The following ABCB5 variants were observed in gnomAD, a reference collection of about 807,000 sequenced individuals.
ABCB5 encodes ATP binding cassette subfamily B member 5.
ABCB5 carries 155 observed loss-of-function variants against 144.2 expected under a neutral mutation model. The ratio of observed to expected loss-of-function variants is 1.08; its 90% CI spans 0.94 to 1.23. ABCB5 has a LOEUF of 1.23. Among genes scored for constraint, ABCB5 ranks in the 50% most tolerant of loss-of-function variants. The pLI, the probability that ABCB5 is intolerant of heterozygous loss-of-function variation, is 0.00. For synonymous variants in ABCB5, 610 were observed against 528.6 expected (o/e 1.15, Z -2.11); for missense variants, 1,830 against 1,520.8 (o/e 1.20, Z -3.38).
chr7:20,730,802 T>C (rs1272435694), intron 23 of ABCB5, among the ~76,000 whole-genome samples: 1 of 152,204 alleles, frequency 6.6e-6, no homozygotes, highest in Non-Finnish European at 1.5e-5. Flanking sequence ...CAAAAGTTTG[T>C]TTGCAAGCCA....
chr7:20,669,773 A>T (rs1785403120), intron 14 of ABCB5, among the ~76,000 whole-genome samples: 1 of 44 alleles, frequency 0.023, no homozygotes, highest in Admixed American at 0.12. Flanking sequence ...TTGAGGAAAC[A>T]GAATAAATAG....
intron 14 of ABCB5, among the ~76,000 whole-genome samples, chr7:20,670,478 C>A (rs968268450): frequency 8.6e-5 from 13 of 151,998 alleles, no homozygotes; most frequent in African/African-American, 3.1e-4. Context: ...TTCTGGAAGG[C>A]AGTGAGTGGG....
chr7:20,626,494 T>C, intron 2 of ABCB5, 63 bp from the exon 3 acceptor site: 2 of 1,467,294 alleles, frequency 1.4e-6, no homozygotes, highest in Non-Finnish European at 9.3e-7. Context: ...AAACTATTAA[T>C]GGAAAAATTT....
intron 16 of ABCB5, among the ~76,000 whole-genome samples, chr7:20,697,924 G>A (rs777592943): frequency 7.2e-5 from 11 of 152,146 alleles, no homozygotes. Flanking sequence ...AACAAGCCAA[G>A]GTATTAGGAA....
intron 7 of ABCB5, among the ~76,000 whole-genome samples, chr7:20,644,205 A>G (rs1171753464): frequency 6.6e-6 from 1 of 151,882 alleles, no homozygotes; most frequent in African/African-American, 2.4e-5. Flanking sequence ...CCCATCTCAG[A>G]TCCCAAGTAG....
chr7:20,657,236 ATGAACTAC>A (rs1784836321), intron 13 of ABCB5, among the ~76,000 whole-genome samples: 1 of 152,190 alleles, frequency 6.6e-6, no homozygotes, highest in South Asian at 2.1e-4. Flanking sequence ...GAGTTGCCAG[ATGAACTAC>A]TGGATTCCCA....
chr7:20,746,795 ATAAAT>A (rs2128056407), intron 26 of ABCB5, among the ~76,000 whole-genome samples: 1 of 152,362 alleles, frequency 6.6e-6, no homozygotes, highest in South Asian at 2.1e-4. Context: ...CACACATAAA[ATAAAT>A]TAAATGAAAT....
In ABCB5 at chr7:20,643,245, T is replaced by A; in HGVS notation, c.376T>A (p.Ser126Thr). 1 of 1,613,742 alleles carries A rather than the reference T, an allele frequency of 6.2e-7. No individual in the cohort carries two copies. The highest frequency in any genetic ancestry group is 8.5e-7 in the Non-Finnish European group (1 of 1,179,762). ...CTTGATTTTTGGTTACATACAGATT[T>A]CCTTGTGGATTATAACTGCAGCACG... ...AALIFGYIQI[S>T]LWIITAARQT... The change falls in exon 6 of 28, where the codon TCC becomes ACC. Residue 126 changes from serine (S) to threonine (T), a missense_variant. Ser to Thr is a moderately conservative substitution (Grantham distance 58). Coordinates refer to ENST00000404938, the MANE Select transcript of ABCB5 (RefSeq NM_001163941.2).
At chr7:20,714,814 G>C (rs1213282662) in intron 20 of ABCB5, among the ~76,000 whole-genome samples, 2 of 152,152 alleles carry the variant, frequency 1.3e-5, no homozygotes, top group African/African-American at 2.4e-5. Flanking sequence ...AACTCAAATA[G>C]AGAAGCCTGT....
intron 2 of ABCB5, among the ~76,000 whole-genome samples, chr7:20,625,871 G>T (rs1306054605): frequency 6.6e-6 from 1 of 152,160 alleles, no homozygotes; most frequent in Non-Finnish European, 1.5e-5. Context: ...AGCGTTACTA[G>T]GAATAGCCAA....
At position 20,755,663 on chromosome 7, in the gene ABCB5, G is replaced by A. The variant is rs1276795199; in HGVS notation, c.*39G>A. On this transcript the variant is annotated 3_prime_UTR_variant, in exon 28 of 28. Coordinates refer to ENST00000404938, the MANE Select transcript of ABCB5 (RefSeq NM_001163941.2). ...GCACATATTTTGATGTTCGTGTAAT[G>A]CAAAGAAGGAGTACTTAATAATTAC... 6 of 1,585,168 alleles carry A rather than the reference G, an allele frequency of 3.8e-6. No homozygotes were observed. The highest frequency in any genetic ancestry group is 2.2e-5 in the South Asian group (2 of 89,888).
chr7:20,658,537 C>G lies in ABCB5; in HGVS notation c.1568C>G (p.Ala523Gly). ...KFNTLVGEKG[A>G]QMSGGQKQRI... ...AATACATTGGTAGGGGAAAAAGGAG[C>G]TCAAATGAGTGGAGGGCAGAAACAG... The change falls in exon 14 of 28, where the codon GCT becomes GGT. Residue 523 changes from alanine (A) to glycine (G), a missense_variant. Transcript: ENST00000404938. 1 of 1,613,998 alleles carries G rather than the reference C, an allele frequency of 6.2e-7. No homozygotes were observed. The highest frequency in any genetic ancestry group is 8.5e-7 in the Non-Finnish European group (1 of 1,179,982).
Position 20,647,973 on chromosome 7 carries a change from CA to C in ABCB5, c.1102del (p.Ser368ValfsTer2). ...ATTTCCTTTGTTTTTCCAAGAAACC[CA>C]GTATAGATAACTTTTCCACAGCTGG... is the stretch of plus-strand genomic sequence containing the variant. ...HIFQVIDKKPSIDNFSTAGYK... is the reference protein window; with the variant it reads ...HIFQVIDKKPXIDNFSTAGYK... On this transcript the variant is annotated frameshift_variant, in exon 11 of 28. Transcript: ENST00000404938. LOFTEE classifies it high-confidence loss of function. The C allele has an allele frequency of 6.3e-7, 1 of 1,581,330 alleles. No individual in the cohort carries two copies. Among genetic ancestry groups the C allele is most frequent in the Non-Finnish European group, 8.7e-7 (1 of 1,150,770 alleles).
rs990949704 is a variant in ABCB5, at chr7:20,632,555, T to C, written c.314+442T>C. 2.6e-5 allele frequency among the ~76,000 whole-genome samples: 4 copies of C among 152,106 alleles called. No homozygotes were observed. The South Asian group carries it at 8.3e-4, about 32-fold the overall frequency. On this transcript the variant is annotated intron_variant, in intron 5 of 27. Coordinates refer to ENST00000404938, the MANE Select transcript of ABCB5 (RefSeq NM_001163941.2). ...TAAATCATGCTGCTATAAAAACACA[T>C]GCACACGTATGTTTATTGCAGCACT...
Position 20,756,891 on chromosome 7 carries a change from T to C in ABCB5, c.*1267T>C, listed in dbSNP as rs931142712. 1 of 152,374 alleles carries C rather than the reference T, an allele frequency of 6.6e-6. No homozygotes were observed. The highest frequency in any genetic ancestry group is 1.5e-5 in the Non-Finnish European group (1 of 68,050). The allele number at this position is 152,374 out of a possible 1,614,324, so 9.4% of individuals were successfully genotyped here. A position where few individuals can be genotyped will look rare whatever the true frequency, so the allele number is the denominator to read the frequency against. ...ATTTTCTTCCATTTACACATTTAGC[T>C]AGCCTCCCTAAAGTGTACTCTACCA... On this transcript the variant is annotated 3_prime_UTR_variant, in exon 28 of 28. Transcript: ENST00000404938.
chr7:20,639,707 G>A (rs1784250656), intron 5 of ABCB5, among the ~76,000 whole-genome samples: 1 of 152,170 alleles, frequency 6.6e-6, no homozygotes, highest in Non-Finnish European at 1.5e-5. Context: ...TTATTGACAT[G>A]TCTGTCTTTA....
intron 14 of ABCB5, among the ~76,000 whole-genome samples, chr7:20,663,123 T>C (rs1446531979): frequency 6.6e-6 from 1 of 152,234 alleles, no homozygotes; most frequent in Non-Finnish European, 1.5e-5. Flanking sequence ...TGCCTCATTC[T>C]TGTAACCACC....
At chr7:20,631,454 T>C (rs1236667644) in intron 4 of ABCB5, among the ~76,000 whole-genome samples, 1 of 152,194 alleles carries the variant, frequency 6.6e-6, no homozygotes, top group Non-Finnish European at 1.5e-5. Flanking sequence ...AATAAAATTA[T>C]AATCATGGAT....
intron 16 of ABCB5, among the ~76,000 whole-genome samples, chr7:20,686,920 C>T (rs147321956): frequency 6.6e-6 from 1 of 152,212 alleles, no homozygotes; most frequent in Non-Finnish European, 1.5e-5. Flanking sequence ...CCTTCTCTGG[C>T]ATTGCTAATC....
Sources: gnomAD v4.1 joint callset for allele counts (sites outside exome capture counted in the v4.1 genomes callset) on GRCh38, gnomAD v4.1.1 for gene constraint, MANE v1.5 for transcripts, NCBI Gene and HGNC (gene_info 2026-07-23, HGNC 2026-07-21) for gene names.